ANKRD44: variants seen among roughly 807,000 people sequenced by gnomAD.
ANKRD44 encodes the protein ankyrin repeat domain 44.
Under a neutral mutation model 116.0 loss-of-function variants are expected in ANKRD44, and 35 were observed. That is an observed-to-expected ratio of 0.30 (90% confidence interval 0.23 to 0.40). ANKRD44 has a LOEUF of 0.40. Ranked by LOEUF, ANKRD44 falls within the 10% of genes least tolerant of loss-of-function variation. The pLI is 1.00. For synonymous variants in ANKRD44, 435 were observed against 461.8 expected, an observed-to-expected ratio of 0.94 and a Z score of 0.74; for missense variants, 1,014 against 1,242.6, an observed-to-expected ratio of 0.82 and a Z score of 2.77.
chr2:197,006,084 A>G (rs2376211), intron 20 of ANKRD44, among the ~76,000 whole-genome samples, 174 bp from the exon 21 acceptor site: 84,457 of 151,878 alleles, frequency 0.56, 26,007 homozygotes, highest in East Asian at 0.81. Context: ...AAAATTCATA[A>G]CAGAAAAATC....
At chr2:197,252,768 A>G (rs1007277712) in intron 1 of ANKRD44, among the ~76,000 whole-genome samples, 9 of 152,216 alleles carry the variant, frequency 5.9e-5, no homozygotes, top group African/African-American at 2.2e-4. Context: ...TATAAGAACC[A>G]TAAGACTAAT....
At position 197,266,039 on chromosome 2, in the gene ANKRD44, G is replaced by A. The variant is rs145810992; in HGVS notation, c.27+44539C>T. 2.0e-3 allele frequency among the ~76,000 whole-genome samples: 302 copies of A among 151,998 alleles called. 3 individuals carry two copies. Among genetic ancestry groups the A allele is most frequent in the Non-Finnish European group, 2.2e-3 (152 of 67,988 alleles). ...CAAATGCTCACTCTCCAAGCAGAAC[G>A]TCACAAACTGAATACCAGGTAAAAG... On this transcript the variant is annotated intron_variant, in intron 1 of 27. Transcript: ENST00000282272.
At chr2:197,136,960 G>A (rs2079233330) in intron 3 of ANKRD44, among the ~76,000 whole-genome samples, 1 of 152,270 alleles carries the variant, frequency 6.6e-6, no homozygotes, top group South Asian at 2.1e-4. Context: ...TCAAACTATG[G>A]GGTAGGCAGA....
At chr2:197,056,220 T>A (rs1283245034) in intron 16 of ANKRD44, among the ~76,000 whole-genome samples, 2 of 152,178 alleles carry the variant, frequency 1.3e-5, no homozygotes, top group Non-Finnish European at 2.9e-5. Context: ...CAAGATTGCC[T>A]CATATATTCT....
At position 197,148,045 on chromosome 2, in the gene ANKRD44, T is replaced by C. The variant is rs193246658; in HGVS notation, c.112-940A>G. On this transcript the variant is annotated intron_variant, in intron 2 of 27. Coordinates refer to ENST00000282272, the MANE Select transcript of ANKRD44 (RefSeq NM_001195144.2). ...TGTGCTGAAAGGCAGCATGGTAACATGCAAGGGAAAAAAGCGTTGCTTCCT... is the reference window on the plus strand; with the variant it reads ...TGTGCTGAAAGGCAGCATGGTAACACGCAAGGGAAAAAAGCGTTGCTTCCT... The C allele has an allele frequency of 7.6e-4, 229 of 300,204 alleles. 4 individuals carry two copies. In the East Asian group the frequency reaches 0.014, roughly 19 times the overall value. The allele number at this position is 300,204 out of a possible 1,614,324, so 18.6% of individuals were successfully genotyped here.
Position 196,989,522 on chromosome 2 carries a change from A to ACC in ANKRD44, c.*68_*69insGG. On this transcript the variant is annotated 3_prime_UTR_variant, in exon 28 of 28. Transcript: ENST00000282272. ...TGGCTGATGAACTACACACACACAC[A>ACC]CATATATATATATATACACACGCAC... The ACC allele has an allele frequency of 6.6e-7, 1 of 1,506,068 alleles. No individual in the cohort carries two copies. The highest frequency in any genetic ancestry group is 8.9e-7 in the Non-Finnish European group (1 of 1,125,494). 93.3% of individuals were successfully genotyped at this position (1,506,068 alleles called of 1,614,324 possible).
chr2:197,136,716 C>T (rs747022122), intron 3 of ANKRD44, 54 bp from the exon 4 acceptor site: 75 of 1,513,932 alleles, frequency 5.0e-5, no homozygotes, highest in Middle Eastern at 1.7e-4. Context: ...GAAGCCCTGC[C>T]GACGTTAAAT....
chr2:197,083,624 T>C, intron 13 of ANKRD44, 115 bp from the exon 14 acceptor site: 2 of 1,152,114 alleles, frequency 1.7e-6, no homozygotes, highest in Non-Finnish European at 2.4e-6. Flanking sequence ...ACTCTCAGAG[T>C]GTGTGGAGGC....
rs1197850274 is a variant in ANKRD44, at chr2:197,030,434, G to A, written c.1651-5167C>T. The stretch of plus-strand genomic sequence containing the variant: ...GGATAGAGAAGCAAGACACAGGGAT[G>A]CAGGACATTCATTTTTTTGGCCGTG... On this transcript the variant is annotated intron_variant, in intron 16 of 27. Transcript: ENST00000282272. 2.0e-5 allele frequency among the ~76,000 whole-genome samples: 3 copies of A among 152,206 alleles called. No homozygotes were observed. The East Asian group carries it at 5.8e-4, about 29-fold the overall frequency.
intron 17 of ANKRD44, among the ~76,000 whole-genome samples, chr2:197,023,548 T>C (rs1457334435): frequency 1.3e-5 from 2 of 151,676 alleles, no homozygotes; most frequent in African/African-American, 4.9e-5. Context: ...GAGTACACAA[T>C]AAGCATTCAA....
rs537129765 is a variant in ANKRD44, at chr2:197,072,741, A to T, written c.1650+5962T>A. ...AATAGTTTATTTTTCCTTAGAGCTC[A>T]GCATTAATTTTTTCCTGAAACAATG... On this transcript the variant is annotated intron_variant, in intron 16 of 27. Coordinates refer to ENST00000282272, the MANE Select transcript of ANKRD44 (RefSeq NM_001195144.2). 5.3e-5 allele frequency among the ~76,000 whole-genome samples: 8 copies of T among 152,304 alleles called. No homozygotes were observed. In the South Asian group the frequency reaches 1.7e-3, roughly 32 times the overall value.
At chr2:197,134,738 C>A (rs2079177042) in intron 4 of ANKRD44, 1 of 152,084 alleles carries the variant, frequency 6.6e-6, no homozygotes, top group South Asian at 2.1e-4. Flanking sequence ...AGGTGCCTGG[C>A]ATATGGGAGG....
chr2:196,986,810 TTCAAAG>T lies in ANKRD44; in HGVS notation c.*2775_*2780del. The T allele has an allele frequency of 3.0e-6, 3 of 985,424 alleles. No individual in the cohort carries two copies. The highest frequency in any genetic ancestry group is 3.6e-6 in the Non-Finnish European group (3 of 829,920). 61.0% of individuals were successfully genotyped at this position (985,424 alleles called of 1,614,324 possible). A position where few individuals can be genotyped will look rare whatever the true frequency, so the allele number is the denominator to read the frequency against. On this transcript the variant is annotated 3_prime_UTR_variant, in exon 28 of 28. Transcript: ENST00000282272. ...CTGTGCTTGAGAAGATTCAGATTGT[TTCAAAG>T]TCATTCACTGAACTAAAAGTCATTT...
At chr2:197,097,198 C>T (rs2078180294) in intron 10 of ANKRD44, among the ~76,000 whole-genome samples, 1 of 151,966 alleles carries the variant, frequency 6.6e-6, no homozygotes, top group South Asian at 2.1e-4. Context: ...TTTAAGTAAC[C>T]ATTGGGTCCA....
chr2:197,150,973 C>G (rs905218519), intron 2 of ANKRD44, among the ~76,000 whole-genome samples: 1 of 152,064 alleles, frequency 6.6e-6, no homozygotes, highest in African/African-American at 2.4e-5. Flanking sequence ...GTCCCGGGTT[C>G]TTGGTAGGGG....
chr2:197,306,170 A>G (rs1345312334), intron 1 of ANKRD44, among the ~76,000 whole-genome samples: 1 of 151,980 alleles, frequency 6.6e-6, no homozygotes, highest in African/African-American at 2.4e-5. Flanking sequence ...TGTTCATCCA[A>G]TGGCTTCTCT....
At chr2:197,090,558 T>C (rs2078020739) in intron 10 of ANKRD44, among the ~76,000 whole-genome samples, 2 of 150,572 alleles carry the variant, frequency 1.3e-5, no homozygotes, top group Admixed American at 6.6e-5. Context: ...GTGGTGCTGA[T>C]ACAATGATAG....
At chr2:197,213,170 C>T (rs1244441853) in intron 1 of ANKRD44, among the ~76,000 whole-genome samples, 4 of 152,186 alleles carry the variant, frequency 2.6e-5, no homozygotes, top group African/African-American at 9.7e-5. Flanking sequence ...GGCTTAGCCA[C>T]CCAGCGAGCT....
At chr2:197,012,041 C>T (rs2125919186) in intron 18 of ANKRD44, among the ~76,000 whole-genome samples, 1 of 152,340 alleles carries the variant, frequency 6.6e-6, no homozygotes. Context: ...TCTTGCTCCT[C>T]ATAGTGCTCT....
Sources: gnomAD v4.1 joint callset for allele counts (sites outside exome capture counted in the v4.1 genomes callset) on GRCh38, gnomAD v4.1.1 for gene constraint, MANE v1.5 for transcripts, NCBI Gene and HGNC (gene_info 2026-07-23, HGNC 2026-07-21) for gene names.